The following TRIB2 variants were observed in gnomAD, a reference collection of about 807,000 sequenced individuals.
TRIB2 encodes the protein tribbles pseudokinase 2.
A neutral mutation model predicts 26.8 loss-of-function variants in TRIB2; 2 were observed. That is an observed-to-expected ratio of 0.07 (90% CI 0.03 to 0.24). TRIB2 has a LOEUF of 0.24. Ranked by LOEUF, TRIB2 falls within the 10% of genes least tolerant of loss-of-function variation. TRIB2 has a pLI of 1.00. For missense variants in TRIB2, 306 were observed against 449.0 expected (o/e 0.68, Z 2.88); for synonymous variants, 189 against 187.3 (o/e 1.01, Z -0.08).
intron 2 of TRIB2, among the ~76,000 whole-genome samples, chr2:12,725,957 T>C (rs535658228): frequency 6.6e-6 from 1 of 152,224 alleles, no homozygotes; most frequent in Non-Finnish European, 1.5e-5. Flanking sequence ...GTGAGGTTAC[T>C]TGGCCTCATG....
At chr2:12,739,105 C>T (rs1310084250) in intron 2 of TRIB2, among the ~76,000 whole-genome samples, 2 of 152,164 alleles carry the variant, frequency 1.3e-5, no homozygotes, top group South Asian at 2.1e-4. Context: ...ACCCTATGCA[C>T]GCAGACACGT....
At chr2:12,734,222 C>T (rs1484954984) in intron 2 of TRIB2, among the ~76,000 whole-genome samples, 1 of 152,188 alleles carries the variant, frequency 6.6e-6, no homozygotes, top group Non-Finnish European at 1.5e-5. Flanking sequence ...TGGAGATAAC[C>T]ATTGTCATTT....
chr2:12,735,995 G>A (rs985976892), intron 2 of TRIB2, among the ~76,000 whole-genome samples: 1 of 152,140 alleles, frequency 6.6e-6, no homozygotes. Context: ...AAAGGTGAAA[G>A]GTGAACTCCA....
intron 2 of TRIB2, among the ~76,000 whole-genome samples, chr2:12,726,510 C>T (rs1201388143): frequency 6.6e-6 from 1 of 152,202 alleles, no homozygotes; most frequent in African/African-American, 2.4e-5. Flanking sequence ...TGGGAACTCT[C>T]ATCTTCCACC....
chr2:12,727,644 C>T (rs1239017259), intron 2 of TRIB2, among the ~76,000 whole-genome samples: 1 of 152,082 alleles, frequency 6.6e-6, no homozygotes, highest in Admixed American at 6.5e-5. Context: ...TGGACTGCTG[C>T]TTCTCCTTCG....
intron 2 of TRIB2, among the ~76,000 whole-genome samples, chr2:12,725,085 A>G (rs1212750566): frequency 6.6e-5 from 10 of 152,264 alleles, no homozygotes; most frequent in Non-Finnish European, 2.9e-5. Flanking sequence ...GACAGGAAAG[A>G]GCAGAAGTAA....
chr2:12,718,160 A>T lies in TRIB2; in HGVS notation c.-148A>T, dbSNP rs1666641271. ...GGCGGCGCCCATTTGGGGGCTTCTA[A>T]CTCTTTCTCCACGCAGCCCCTCTTC... On this transcript the variant is annotated 5_prime_UTR_variant, in exon 1 of 3. Transcript: ENST00000155926. This position sits in a 1 kb window ranked among gnomAD's most constrained non-coding sequence, Gnocchi z 4.0. 5.2e-6 allele frequency: 6 copies of T among 1,146,940 alleles called. No homozygotes were observed. The South Asian group carries it at 1.0e-4, about 19-fold the overall frequency. 71.0% of individuals were successfully genotyped at this position (1,146,940 alleles called of 1,614,324 possible). A position where few individuals can be genotyped will look rare whatever the true frequency, so the allele number is the denominator to read the frequency against.
intron 2 of TRIB2, among the ~76,000 whole-genome samples, chr2:12,725,957 T>A (rs535658228): frequency 1.3e-5 from 2 of 152,342 alleles, no homozygotes; most frequent in East Asian, 1.9e-4. Flanking sequence ...GTGAGGTTAC[T>A]TGGCCTCATG....
In TRIB2 at chr2:12,718,635, C is replaced by A; in HGVS notation, c.270+58C>A. The A allele has an allele frequency of 5.1e-6, 8 of 1,582,648 alleles. No individual in the cohort carries two copies. In the Admixed American group the frequency reaches 1.4e-4, roughly 28 times the overall value. ...GAAGGGGCCCGAGGGAGCGGGAGGG[C>A]GCCAGGCCCTCGAGTCTGGGAGAGG... On this transcript the variant is annotated intron_variant, in intron 1 of 2. Coordinates refer to ENST00000155926, the MANE Select transcript of TRIB2 (RefSeq NM_021643.4). This position sits in a 1 kb window ranked among gnomAD's most constrained non-coding sequence, Gnocchi z 4.0.
chr2:12,731,663 C>A (rs555943449), intron 2 of TRIB2, among the ~76,000 whole-genome samples: 3 of 152,302 alleles, frequency 2.0e-5, no homozygotes, highest in African/African-American at 7.2e-5. Flanking sequence ...CCAGGTTTTT[C>A]GACTTGATCT....
chr2:12,736,484 T>C (rs771063761), intron 2 of TRIB2, among the ~76,000 whole-genome samples: 1 of 152,200 alleles, frequency 6.6e-6, no homozygotes, highest in Admixed American at 6.5e-5. Flanking sequence ...CTTATCACTA[T>C]GGGAGATTCC....
intron 2 of TRIB2, among the ~76,000 whole-genome samples, chr2:12,735,649 A>G (rs1661552768): frequency 6.6e-6 from 1 of 152,178 alleles, no homozygotes; most frequent in Admixed American, 6.6e-5. Context: ...CCTCGCATGC[A>G]TTAGGTACAT....
chr2:12,737,203 C>G (rs1186425147), intron 2 of TRIB2, among the ~76,000 whole-genome samples: 5 of 152,208 alleles, frequency 3.3e-5, no homozygotes, highest in Admixed American at 3.3e-4. Flanking sequence ...AAACCTGGGC[C>G]CTTTGATACC....
intron 2 of TRIB2, among the ~76,000 whole-genome samples, chr2:12,725,538 G>A (rs1016148562): frequency 6.6e-6 from 1 of 152,316 alleles, no homozygotes; most frequent in Non-Finnish European, 1.5e-5. Flanking sequence ...TCCTTTATGA[G>A]TGTGTCATCA....
chr2:12,724,841 G>T (rs1162916132), intron 2 of TRIB2: 6 of 1,609,680 alleles, frequency 3.7e-6, no homozygotes, highest in African/African-American at 1.3e-5. Flanking sequence ...TCATTTAGAA[G>T]ATGAATATAT....
chr2:12,724,964 C>T, intron 2 of TRIB2: 6 of 1,317,088 alleles, frequency 4.6e-6, no homozygotes, highest in Non-Finnish European at 6.1e-6. Context: ...TTGTTTACCT[C>T]TTACCATAAG....
chr2:12,739,330 G>C (rs957037526), intron 2 of TRIB2, among the ~76,000 whole-genome samples: 11 of 152,202 alleles, frequency 7.2e-5, no homozygotes, highest in African/African-American at 2.7e-4. Flanking sequence ...TGCGATCTCA[G>C]CTCACTGTAA....
chr2:12,727,649 C>T (rs1023787016), intron 2 of TRIB2, among the ~76,000 whole-genome samples: 2 of 152,118 alleles, frequency 1.3e-5, no homozygotes, highest in African/African-American at 4.8e-5. Context: ...TGCTGCTTCT[C>T]CTTCGTTCCC....
In TRIB2 at chr2:12,742,515, G is replaced by T. The variant is rs1201544117; in HGVS notation, c.*1721G>T. 6 of 150,396 alleles carry T rather than the reference G, an allele frequency of 4.0e-5. No homozygotes were observed. Among genetic ancestry groups the T allele is most frequent in the Admixed American group, 4.0e-4 (6 of 15,074 alleles). The allele number at this position is 150,396 out of a possible 1,614,324, so 9.3% of individuals were successfully genotyped here. ...CTATTTTGCTAATGGAAGATAGAAA[G>T]GAGAGAAGGTTTTTTTTTTTTTTAA... On this transcript the variant is annotated 3_prime_UTR_variant, in exon 3 of 3. Coordinates refer to ENST00000155926, the MANE Select transcript of TRIB2 (RefSeq NM_021643.4).
Sources: allele counts gnomAD v4.1 joint callset (sites outside exome capture counted in the v4.1 genomes callset), GRCh38; gene constraint gnomAD v4.1.1; non-coding constraint Gnocchi (gnomAD v3.1); transcripts MANE v1.5; gene names NCBI Gene and HGNC (gene_info 2026-07-23, HGNC 2026-07-21).